The following MGMT variants were observed in gnomAD, a reference collection of about 807,000 sequenced individuals.
The protein encoded by MGMT is methylated-DNA--protein-cysteine methyltransferase.
MGMT carries 14 observed loss-of-function variants against 15.9 expected under a neutral mutation model. The observed-to-expected ratio is 0.88, with a 90% confidence interval of 0.58 to 1.37. The LOEUF (loss-of-function observed/expected upper bound fraction) is 1.37. Ranked by LOEUF, MGMT falls within the 40% of genes most tolerant of loss-of-function variation. MGMT has a pLI of 0.00. For synonymous variants in MGMT, 130 were observed against 118.2 expected (o/e 1.10, Z -0.65); for missense variants, 282 against 268.1 (o/e 1.05, Z -0.36).
chr10:129,653,027 G>C (rs1847480180), intron 2 of MGMT, among the ~76,000 whole-genome samples: 1 of 152,230 alleles, frequency 6.6e-6, no homozygotes, highest in African/African-American at 2.4e-5. Context: ...GATCCCTCCA[G>C]GGTTGGCTGA....
At chr10:129,549,984 C>T (rs751849701) in intron 2 of MGMT, among the ~76,000 whole-genome samples, 16 of 152,020 alleles carry the variant, frequency 1.1e-4, no homozygotes, top group African/African-American at 3.9e-4. Flanking sequence ...CTGTTTATTT[C>T]GGTGGTTGGT....
At chr10:129,476,229 G>A (rs962023070) in intron 1 of MGMT, among the ~76,000 whole-genome samples, 3 of 152,112 alleles carry the variant, frequency 2.0e-5, no homozygotes, top group African/African-American at 4.8e-5. Flanking sequence ...CCAGAGCCTG[G>A]GTCACTTCCC....
intron 3 of MGMT, among the ~76,000 whole-genome samples, chr10:129,744,305 TG>T (rs1848669209): frequency 6.6e-6 from 1 of 152,214 alleles, no homozygotes; most frequent in South Asian, 2.1e-4. Context: ...CCTCCATGCC[TG>T]GGCAGCTGTG....
chr10:129,579,852 G>A (rs1564858448), intron 2 of MGMT, among the ~76,000 whole-genome samples: 2 of 152,134 alleles, frequency 1.3e-5, no homozygotes, highest in African/African-American at 2.4e-5. Context: ...GTTTTCTTTA[G>A]TGTGAAACAG....
chr10:129,583,197 A>G (rs1243107163), intron 2 of MGMT, among the ~76,000 whole-genome samples: 2 of 152,216 alleles, frequency 1.3e-5, no homozygotes, highest in Non-Finnish European at 2.9e-5. Context: ...TACTTTATTT[A>G]ACTTGTAGTA....
At chr10:129,636,325 G>T (rs1485505649) in intron 2 of MGMT, among the ~76,000 whole-genome samples, 2 of 152,202 alleles carry the variant, frequency 1.3e-5, no homozygotes, top group East Asian at 1.9e-4. Context: ...ACACATTCAC[G>T]TATAACCAGC....
intron 2 of MGMT, among the ~76,000 whole-genome samples, chr10:129,627,242 C>A (rs756038384): frequency 6.6e-6 from 1 of 152,120 alleles, no homozygotes; most frequent in African/African-American, 2.4e-5. Context: ...GTTTTTCTCA[C>A]GTGGATCAGT....
chr10:129,730,890 G>C (rs1434994297), intron 3 of MGMT, among the ~76,000 whole-genome samples: 1 of 152,156 alleles, frequency 6.6e-6, no homozygotes, highest in East Asian at 1.9e-4. Flanking sequence ...TTCTCTGTAG[G>C]CTTCCTTAAG....
intron 2 of MGMT, among the ~76,000 whole-genome samples, chr10:129,655,990 C>T (rs532160468): frequency 1.3e-5 from 2 of 152,286 alleles, no homozygotes; most frequent in East Asian, 1.9e-4. Flanking sequence ...GTGCCCTGGC[C>T]TGGGGACTGA....
At chr10:129,565,517 AT>A (rs1230024822) in intron 2 of MGMT, among the ~76,000 whole-genome samples, 1 of 152,208 alleles carries the variant, frequency 6.6e-6, no homozygotes, top group Non-Finnish European at 1.5e-5. Flanking sequence ...AGAAAAATAT[AT>A]TGAAAATGAA....
chr10:129,716,242 G>A (rs1177486819), intron 3 of MGMT, among the ~76,000 whole-genome samples: 1 of 152,156 alleles, frequency 6.6e-6, no homozygotes, highest in Admixed American at 6.5e-5. Flanking sequence ...TTAGGTATTG[G>A]TAACGCCCAG....
chr10:129,702,092 G>A (rs1848106138), intron 2 of MGMT: 1 of 152,220 alleles, frequency 6.6e-6, no homozygotes. Flanking sequence ...AGGCGAATGG[G>A]TTAGGGCAGC....
At chr10:129,494,161 T>C (rs977438085) in intron 1 of MGMT, among the ~76,000 whole-genome samples, 3 of 152,230 alleles carry the variant, frequency 2.0e-5, no homozygotes, top group African/African-American at 7.2e-5. Flanking sequence ...GGAAGACTTC[T>C]TGTGTCTTAC....
At chr10:129,642,215 G>A (rs1055197498) in intron 2 of MGMT, among the ~76,000 whole-genome samples, 34 of 151,700 alleles carry the variant, frequency 2.2e-4, no homozygotes, top group African/African-American at 7.8e-4. Flanking sequence ...GCACCTGGGC[G>A]GGCGGGCGGG....
At chr10:129,684,160 A>G (rs928443298) in intron 2 of MGMT, among the ~76,000 whole-genome samples, 1 of 152,224 alleles carries the variant, frequency 6.6e-6, no homozygotes, top group African/African-American at 2.4e-5. Flanking sequence ...TATCTAAACC[A>G]CTTCACCTAG....
chr10:129,496,202 T>C (rs554824568), intron 1 of MGMT, among the ~76,000 whole-genome samples: 2 of 152,304 alleles, frequency 1.3e-5, no homozygotes, highest in East Asian at 1.9e-4. Context: ...TTCAGGAAAC[T>C]TGAATGCCTG....
At chr10:129,483,281 G>A (rs916132376) in intron 1 of MGMT, among the ~76,000 whole-genome samples, 14 of 152,012 alleles carry the variant, frequency 9.2e-5, no homozygotes, top group Non-Finnish European at 8.8e-5. Flanking sequence ...TTTATGTTGG[G>A]CAATCAGTTT....
intron 2 of MGMT, among the ~76,000 whole-genome samples, chr10:129,698,701 T>A (rs994952339): frequency 6.6e-6 from 1 of 152,228 alleles, no homozygotes; most frequent in African/African-American, 2.4e-5. Flanking sequence ...AGTTGTCACA[T>A]CAAGTAAAAG....
At chr10:129,741,709 A>G (rs907837513) in intron 3 of MGMT, among the ~76,000 whole-genome samples, 4 of 152,152 alleles carry the variant, frequency 2.6e-5, no homozygotes, top group African/African-American at 9.7e-5. Flanking sequence ...GCTGCTTTCC[A>G]CCACTCAGCT....
Sources: allele counts gnomAD v4.1 joint callset (sites outside exome capture counted in the v4.1 genomes callset), GRCh38; gene constraint gnomAD v4.1.1; transcripts MANE v1.5; gene names NCBI Gene and HGNC (gene_info 2026-07-23, HGNC 2026-07-21).